PITPNC1: variants seen among roughly 807,000 people sequenced by gnomAD.
The protein encoded by PITPNC1 is cytoplasmic phosphatidylinositol transfer protein 1.
Under a neutral mutation model 44.7 loss-of-function variants are expected in PITPNC1, and 18 were observed. The ratio of observed to expected loss-of-function variants is 0.40; its 90% CI spans 0.28 to 0.60. The LOEUF is 0.60. PITPNC1 is among the 20% of genes least tolerant of loss of function. The pLI is 0.39. For missense variants in PITPNC1, 290 were observed against 418.4 expected, an observed-to-expected ratio of 0.69 and a Z score of 2.68; for synonymous variants, 141 against 149.6, an observed-to-expected ratio of 0.94 and a Z score of 0.42.
intron 1 of PITPNC1, among the ~76,000 whole-genome samples, chr17:67,417,360 C>T (rs535944195): frequency 6.6e-6 from 1 of 151,942 alleles, no homozygotes; most frequent in Non-Finnish European, 1.5e-5. Flanking sequence ...GAACTCCTGG[C>T]CTCAAGCGAT....
Position 67,692,625 on chromosome 17 carries a change from A to G in PITPNC1, c.736A>G (p.Asn246Asp), listed in dbSNP as rs774778607. 1 of 1,613,926 alleles carries G rather than the reference A, an allele frequency of 6.2e-7. No homozygotes were observed. Among genetic ancestry groups the G allele is most frequent in the Non-Finnish European group, 8.5e-7 (1 of 1,179,820 alleles). The part of the protein sequence containing the change: ...EFERATQEAT[N>D]KKIGIFPPAI... ...TGAACGAGCCACTCAGGAAGCCACC[A>G]ACAAGAAAATCGGCATTTTCCCACC... is the stretch of plus-strand genomic sequence containing the variant. The change falls in exon 9 of 9, where the codon AAC becomes GAC. Residue 246 changes from asparagine (N) to aspartate (D), a missense_variant. Asn to Asp is a conservative substitution (Grantham distance 23, BLOSUM62 1). Transcript: ENST00000581322.
chr17:67,680,210 G>T (rs570578947), intron 8 of PITPNC1, among the ~76,000 whole-genome samples: 8 of 152,208 alleles, frequency 5.3e-5, no homozygotes, highest in African/African-American at 1.9e-4. Flanking sequence ...CGTTTATCTG[G>T]GGAGAGAATG....
Position 67,391,060 on chromosome 17 carries a change from C to CGTGT in PITPNC1, c.48+12881_48+12884dup, listed in dbSNP as rs80236076. 1.4e-3 allele frequency among the ~76,000 whole-genome samples: 206 copies of CGTGT among 146,894 alleles called. 1 individual carries two copies. The highest frequency in any genetic ancestry group is 4.1e-3 in the South Asian group (19 of 4,594). On this transcript the variant is annotated intron_variant, in intron 1 of 8. Transcript: ENST00000581322. The stretch of plus-strand genomic sequence containing the variant: ...CAGATTGATCTAATGACTTTTTTAG[C>CGTGT]GTGTGTGTGTGTGTGTGTGTGTGTG...
chr17:67,680,306 A>G (rs2042678644), intron 8 of PITPNC1, among the ~76,000 whole-genome samples: 1 of 152,184 alleles, frequency 6.6e-6, no homozygotes, highest in Admixed American at 6.5e-5. Context: ...ACAGAAAAAA[A>G]TCACAACTAT....
intron 6 of PITPNC1, among the ~76,000 whole-genome samples, chr17:67,659,501 C>T (rs750638866): frequency 2.0e-5 from 3 of 152,090 alleles, no homozygotes; most frequent in Admixed American, 1.3e-4. Flanking sequence ...TGGAGGGTTC[C>T]GGTTTCTGGC....
intron 5 of PITPNC1, among the ~76,000 whole-genome samples, chr17:67,598,219 G>C (rs146786197): frequency 2.2e-4 from 33 of 152,208 alleles, no homozygotes; most frequent in Admixed American, 5.9e-4. Context: ...CAGCACTCCA[G>C]AGTGAGACTC....
intron 8 of PITPNC1, among the ~76,000 whole-genome samples, chr17:67,684,790 A>G (rs990285847): frequency 6.6e-6 from 1 of 152,266 alleles, no homozygotes; most frequent in East Asian, 1.9e-4. Context: ...ATTGCTGAAC[A>G]AGGCAGCAAT....
chr17:67,384,722 G>A (rs2038016235), intron 1 of PITPNC1, among the ~76,000 whole-genome samples: 1 of 152,246 alleles, frequency 6.6e-6, no homozygotes, highest in Non-Finnish European at 1.5e-5. Context: ...ACTGCGCCGG[G>A]CCTTGTTCTC....
At chr17:67,473,068 G>C (rs2039568654) in intron 1 of PITPNC1, among the ~76,000 whole-genome samples, 1 of 151,846 alleles carries the variant, frequency 6.6e-6, no homozygotes. Flanking sequence ...AGTAGAGAAG[G>C]GGTTTCACCA....
At chr17:67,499,903 G>A (rs1034741836) in intron 1 of PITPNC1, among the ~76,000 whole-genome samples, 1 of 152,194 alleles carries the variant, frequency 6.6e-6, no homozygotes, top group Non-Finnish European at 1.5e-5. Context: ...TATCCCCATC[G>A]TTAAGCAATG....
rs1425598199 is a variant in PITPNC1, at chr17:67,694,014, G to A, written c.*1126G>A. 1 of 152,254 alleles carries A rather than the reference G, an allele frequency of 6.6e-6. No homozygotes were observed. The highest frequency in any genetic ancestry group is 1.5e-5 in the Non-Finnish European group (1 of 68,040). The allele number at this position is 152,254 out of a possible 1,614,324, so 9.4% of individuals were successfully genotyped here. A position where few individuals can be genotyped will look rare whatever the true frequency, so the allele number is the denominator to read the frequency against. The stretch of plus-strand genomic sequence containing the variant: ...AAGCAACTACTGTCAAGTGGGAGGA[G>A]AGAATGAGCAGAATTGCTGACTCCT... On this transcript the variant is annotated 3_prime_UTR_variant, in exon 9 of 9. Coordinates refer to ENST00000581322, the MANE Select transcript of PITPNC1 (RefSeq NM_012417.4).
rs1555657747 is a variant in PITPNC1 at position 67,494,185 on chromosome 17, T to TTTTCTTTCTTTCTTTCTTTCTTTC, written c.49-38609_49-38586dup. ...CCTCTTTCTTTCTTTCTTTCTTTCT[T>TTTTCTTTCTTTCTTTCTTTCTTTC]TTTCTTTCTTTCTTTCTTTCTTTCT... On this transcript the variant is annotated intron_variant, in intron 1 of 8. Transcript: ENST00000581322. 5.6e-4 allele frequency among the ~76,000 whole-genome samples: 57 copies of TTTTCTTTCTTTCTTTCTTTCTTTC among 102,482 alleles called. 1 individual carries two copies. Among genetic ancestry groups the TTTTCTTTCTTTCTTTCTTTCTTTC allele is most frequent in the Middle Eastern group, 5.1e-3 (1 of 196 alleles). The allele number at this position is 102,482 out of a possible 152,430, so 67.2% of individuals were successfully genotyped here. A position where few individuals can be genotyped will look rare whatever the true frequency, so the allele number is the denominator to read the frequency against.
At chr17:67,495,759 T>C (rs1290123441) in intron 1 of PITPNC1, among the ~76,000 whole-genome samples, 1 of 152,172 alleles carries the variant, frequency 6.6e-6, no homozygotes, top group Non-Finnish European at 1.5e-5. Flanking sequence ...GCTGTGGAGA[T>C]GTTGAGGTTC....
At chr17:67,516,624 G>C (rs2040262611) in intron 1 of PITPNC1, among the ~76,000 whole-genome samples, 1 of 151,984 alleles carries the variant, frequency 6.6e-6, no homozygotes, top group Non-Finnish European at 1.5e-5. Context: ...GTTCTTTCTT[G>C]CCATGCTAGT....
chr17:67,678,010 C>T (rs1006618860), intron 8 of PITPNC1, among the ~76,000 whole-genome samples: 2 of 151,576 alleles, frequency 1.3e-5, no homozygotes, highest in African/African-American at 4.8e-5. Flanking sequence ...CCCAGGAATT[C>T]GAGACCAGCA....
At position 67,643,137 on chromosome 17, in the gene PITPNC1, C is replaced by T. The variant is rs143774766; in HGVS notation, c.462+10899C>T. ...CTTGGGGGCCAGGTGCAGTGGCTCA[C>T]GCCTGTAATCCCAGCACTTTGGGAC... On this transcript the variant is annotated intron_variant, in intron 6 of 8. Coordinates refer to ENST00000581322, the MANE Select transcript of PITPNC1 (RefSeq NM_012417.4). Among the ~76,000 whole-genome samples, 553 of 152,250 alleles carry T rather than the reference C, an allele frequency of 3.6e-3. 5 individuals carry two copies. The highest frequency in any genetic ancestry group is 0.013 in the African/African-American group (529 of 41,542).
chr17:67,465,116 G>C (rs1429846870), intron 1 of PITPNC1, among the ~76,000 whole-genome samples: 1 of 152,172 alleles, frequency 6.6e-6, no homozygotes, highest in Non-Finnish European at 1.5e-5. Flanking sequence ...AGATCACAGA[G>C]GTGTGTGTTG....
At chr17:67,683,076 C>T (rs1183700822) in intron 8 of PITPNC1, among the ~76,000 whole-genome samples, 4 of 147,584 alleles carry the variant, frequency 2.7e-5, no homozygotes, top group Non-Finnish European at 5.9e-5. Flanking sequence ...AGGAGAATCG[C>T]TTGAACCCGG....
At chr17:67,572,018 A>G (rs2041063883) in intron 4 of PITPNC1, among the ~76,000 whole-genome samples, 1 of 152,216 alleles carries the variant, frequency 6.6e-6, no homozygotes, top group Non-Finnish European at 1.5e-5. Context: ...TCTTTCCTTC[A>G]TATGCTGTGG....
Sources: gnomAD v4.1 joint callset for allele counts (sites outside exome capture counted in the v4.1 genomes callset) on GRCh38, gnomAD v4.1.1 for gene constraint, MANE v1.5 for transcripts, NCBI Gene and HGNC (gene_info 2026-07-23, HGNC 2026-07-21) for gene names.